Variants in MTX3 observed in about 807,000 individuals in gnomAD.
MTX3 encodes metaxin-3.
MTX3 carries 27 observed loss-of-function variants against 42.5 expected under a neutral mutation model. That is an observed-to-expected ratio of 0.64 (90% CI 0.47 to 0.88). MTX3 has a LOEUF of 0.88. Ranked by LOEUF, MTX3 falls within the 40% of genes least tolerant of loss-of-function variation. MTX3 has a pLI of 0.00. For missense variants in MTX3, 378 were observed against 367.0 expected (o/e 1.03, Z -0.25); for synonymous variants, 144 against 132.9 (o/e 1.08, Z -0.57).
At position 79,989,244 on chromosome 5, in the gene MTX3, T is replaced by C. The variant is rs201488320; in HGVS notation, c.229A>G (p.Lys77Glu). The change falls in exon 4 of 9, where the codon AAA becomes GAA. Residue 77 changes from lysine to glutamate, a missense_variant and splice_region_variant. Lys to Glu is a moderately conservative substitution (Grantham distance 56). Transcript: ENST00000512528. ...GAGAGTTCATAATCAGCATTATATT[T>C]CTATTAAAAAAAAATAAACCAAAGA... ...AKILNFLRKQ[K>E]YNADYELSAK... 8.3e-6 allele frequency: 13 copies of C among 1,569,978 alleles called. No homozygotes were observed. Among genetic ancestry groups the C allele is most frequent in the Non-Finnish European group, 9.5e-6 (11 of 1,154,746 alleles).
chr5:79,983,690 C>T lies in MTX3; in HGVS notation c.933G>A (p.Ser311=), dbSNP rs761485655. The change falls in exon 9 of 9, where the codon TCG becomes TCA. Residue 311 remains serine (S), a synonymous_variant. Transcript: ENST00000512528. ...EEENNSFQRL[S]P is the part of the protein sequence containing the mutation. ...CCACAAACCATGACTACTCTCAGGG[C>T]GAAAGCCGTTGGAAGGAATTATTTT... The T allele has an allele frequency of 3.7e-6, 6 of 1,612,030 alleles. No individual in the cohort carries two copies. Among genetic ancestry groups the T allele is most frequent in the Admixed American group, 1.7e-5 (1 of 59,988 alleles).
rs1270651981 is a variant in MTX3 at position 79,983,701 on chromosome 5, G to A, written c.922C>T (p.Gln308Ter). The change falls in exon 9 of 9, where the codon CAA (glutamine) becomes TAA (stop). Residue 308 changes from glutamine (Q) to a stop codon, truncating the protein, a stop_gained. Transcript: ENST00000512528. LOFTEE classifies it high-confidence loss of function. ...GACTACTCTCAGGGCGAAAGCCGTT[G>A]GAAGGAATTATTTTCTTCTTCTGCT... Reference protein sequence around the residue: ...TPAEEENNSFQRLSP With the variant: ...TPAEEENNSF The A allele has an allele frequency of 6.2e-7, 1 of 1,613,228 alleles. No individual in the cohort carries two copies. Among genetic ancestry groups the A allele is most frequent in the Non-Finnish European group, 8.5e-7 (1 of 1,179,202 alleles).
intron 7 of MTX3, 39 bp downstream of exon 7, chr5:79,986,911 A>G (rs1240951459): frequency 2.5e-6 from 4 of 1,599,400 alleles, no homozygotes; most frequent in Admixed American, 1.7e-5. Flanking sequence ...ACATAGGAGA[A>G]TATGCAAACA....
chr5:79,989,219 G>A lies in MTX3; in HGVS notation c.254C>T (p.Ser85Leu). Reference sequence around the variant, plus strand: ...CAATGTATCTGCCCCTTGTTTTGCTGAGAGTTCATAATCAGCATTATATTT... The same window carrying A: ...CAATGTATCTGCCCCTTGTTTTGCTAAGAGTTCATAATCAGCATTATATTT... ...KQKYNADYEL[S>L]AKQGADTLAY... The change falls in exon 4 of 9, where the codon TCA becomes TTA. Residue 85 changes from serine (S) to leucine (L), a missense_variant. Physicochemically the swap from Ser to Leu is moderately radical, Grantham distance 145. Coordinates refer to ENST00000512528, the MANE Select transcript of MTX3 (RefSeq NM_001363818.2). 1 of 1,604,714 alleles carries A rather than the reference G, an allele frequency of 6.2e-7. No individual in the cohort carries two copies. The highest frequency in any genetic ancestry group is 8.5e-7 in the Non-Finnish European group (1 of 1,175,168).
chr5:79,979,697 A>G lies in MTX3; in HGVS notation c.*3987T>C, dbSNP rs1196216861. On this transcript the variant is annotated 3_prime_UTR_variant, in exon 9 of 9. Transcript: ENST00000512528. Reference sequence around the variant, plus strand: ...CACTACCATAGAAAGAAAAAAATATAATTAGATATTTTAAATCACAGCATT... The same window carrying G: ...CACTACCATAGAAAGAAAAAAATATGATTAGATATTTTAAATCACAGCATT... 3.9e-5 allele frequency: 6 copies of G among 152,126 alleles called. No individual in the cohort carries two copies. Among genetic ancestry groups the G allele is most frequent in the Admixed American group, 3.9e-4 (6 of 15,288 alleles). The allele number at this position is 152,126 out of a possible 1,614,324, so 9.4% of individuals were successfully genotyped here.
At chr5:79,983,816 C>T (rs766195507) in intron 8 of MTX3, 22 bp from the exon 9 acceptor site, 25 of 1,525,742 alleles carry the variant, frequency 1.6e-5, no homozygotes, top group Admixed American at 6.7e-5. Context: ...ACAAAAGATA[C>T]ATCTGACTAA....
Position 79,988,272 on chromosome 5 carries a change from C to A in MTX3, c.548G>T (p.Arg183Ile). 2 of 1,554,582 alleles carry A rather than the reference C, an allele frequency of 1.3e-6. No homozygotes were observed. The highest frequency in any genetic ancestry group is 1.7e-6 in the Non-Finnish European group (2 of 1,145,442). ...AKECLNLLSN[R>I]LGTSQFFFGD... ...AAAGAAAAACTGAGATGTTCCCAAT[C>A]TGTTTGATAGAAGATTTAGGCACTC... The change falls in exon 6 of 9, where the codon AGA becomes ATA. Residue 183 changes from arginine to isoleucine, a missense_variant. Transcript: ENST00000512528.
Position 79,983,674 on chromosome 5 carries a change from A to G in MTX3, c.*10T>C, listed in dbSNP as rs763397610. ...AATCGTTTGACTTTGGCCACAAACC[A>G]TGACTACTCTCAGGGCGAAAGCCGT... On this transcript the variant is annotated 3_prime_UTR_variant, in exon 9 of 9. Transcript: ENST00000512528. 57 of 1,596,788 alleles carry G rather than the reference A, an allele frequency of 3.6e-5. No individual in the cohort carries two copies. Among genetic ancestry groups the G allele is most frequent in the Admixed American group, 6.7e-5 (4 of 59,980 alleles).
At chr5:79,985,328 T>C (rs1831465628) in intron 8 of MTX3, among the ~76,000 whole-genome samples, 1 of 152,084 alleles carries the variant, frequency 6.6e-6, no homozygotes, top group African/African-American at 2.4e-5. Context: ...GCTTAAAGGG[T>C]ACTAACTGTG....
In MTX3 at chr5:79,987,975, G is replaced by C. The variant is rs2932937; in HGVS notation, c.581+264C>G. On this transcript the variant is annotated intron_variant, in intron 6 of 8. Coordinates refer to ENST00000512528, the MANE Select transcript of MTX3 (RefSeq NM_001363818.2). ...GGATTACAGGTGCCCACCACCACAC[G>C]CAGCTAATTTTTTGTATTTTTAGTA... Among the ~76,000 whole-genome samples, 136,775 of 152,124 alleles carry C rather than the reference G, an allele frequency of 0.9. 61,826 individuals carry two copies. The highest frequency in any genetic ancestry group is 1 in the East Asian group (5,162 of 5,170).
At position 79,983,528 on chromosome 5, in the gene MTX3, C is replaced by T; in HGVS notation, c.*156G>A. Reference sequence around the variant, plus strand: ...AGTGCCAAGCTAGAATACAAGCTTCCTAATAATAATAGTAAAAATAGATGG... The same window carrying T: ...AGTGCCAAGCTAGAATACAAGCTTCTTAATAATAATAGTAAAAATAGATGG... On this transcript the variant is annotated 3_prime_UTR_variant, in exon 9 of 9. Transcript: ENST00000512528. The T allele has an allele frequency of 3.3e-6, 2 of 614,110 alleles. No individual in the cohort carries two copies. The highest frequency in any genetic ancestry group is 2.9e-6 in the Non-Finnish European group (1 of 342,568). 38.0% of individuals were successfully genotyped at this position (614,110 alleles called of 1,614,324 possible).
chr5:79,986,753 A>G (rs1831499822), intron 7 of MTX3, 197 bp downstream of exon 7: 8 of 600,942 alleles, frequency 1.3e-5, no homozygotes, highest in Non-Finnish European at 2.4e-5. Context: ...TAAAAGGCAA[A>G]TATCTATTTA....
At chr5:79,987,690 G>T (rs1831529943) in intron 6 of MTX3, among the ~76,000 whole-genome samples, 1 of 152,148 alleles carries the variant, frequency 6.6e-6, no homozygotes, top group African/African-American at 2.4e-5. Context: ...ACAAATGTTA[G>T]ACTGGAGGCA....
chr5:79,985,013 G>C, intron 8 of MTX3, among the ~76,000 whole-genome samples: 1 of 151,978 alleles, frequency 6.6e-6, no homozygotes, highest in East Asian at 1.9e-4. Flanking sequence ...ATGGAGTCTC[G>C]CTCCGTTGCC....
chr5:79,991,043 TGCAGCGGCTCGGCCCTCCTGGACCCC>T, intron 1 of MTX3, 89 bp downstream of exon 1: 1 of 1,078,406 alleles, frequency 9.3e-7, no homozygotes, highest in African/African-American at 1.6e-5. Context: ...CAATGCAGCG[TGCAGCGGCTCGGCCCTCCTGGACCCC>T]GCAGCGCAGC....
At chr5:79,987,458 A>T (rs1036832794) in intron 6 of MTX3, among the ~76,000 whole-genome samples, 150 of 151,890 alleles carry the variant, frequency 9.9e-4, no homozygotes, top group Non-Finnish European at 1.2e-3. Context: ...AAAAAAAAAA[A>T]AAATTAAATT....
rs764361364 is a variant in MTX3 at position 79,990,253 on chromosome 5, G to A, written c.152-17C>T. On this transcript the variant is annotated splice_polypyrimidine_tract_variant and intron_variant, in intron 2 of 8. Coordinates refer to ENST00000512528, the MANE Select transcript of MTX3 (RefSeq NM_001363818.2). ...GTACATCGCCTATAATCAAAAAACAGTTTACATACAAGGACACAGTGTGAT... is the reference window on the plus strand; with the variant it reads ...GTACATCGCCTATAATCAAAAAACAATTTACATACAAGGACACAGTGTGAT... The A allele has an allele frequency of 6.4e-6, 10 of 1,565,160 alleles. No homozygotes were observed. Among genetic ancestry groups the A allele is most frequent in the African/African-American group, 1.4e-5 (1 of 73,836 alleles).
In MTX3 at chr5:79,988,227, G is replaced by T; in HGVS notation, c.581+12C>A. The T allele has an allele frequency of 4.1e-6, 6 of 1,456,168 alleles. No homozygotes were observed. Among genetic ancestry groups the T allele is most frequent in the African/African-American group, 1.4e-5 (1 of 71,112 alleles). 90.2% of individuals were successfully genotyped at this position (1,456,168 alleles called of 1,614,324 possible). ...CACAAAATACCAAAATGATTTTTAAGGGAATACTCACGTATCTCCAAAGAA... is the reference window on the plus strand; with the variant it reads ...CACAAAATACCAAAATGATTTTTAATGGAATACTCACGTATCTCCAAAGAA... On this transcript the variant is annotated intron_variant, in intron 6 of 8. Coordinates refer to ENST00000512528, the MANE Select transcript of MTX3 (RefSeq NM_001363818.2).
chr5:79,991,167 CAGGG>C lies in MTX3; in HGVS notation c.68_71del (p.Ser23TrpfsTer3), dbSNP rs1163163793. The C allele has an allele frequency of 6.5e-7, 1 of 1,537,140 alleles. No individual in the cohort carries two copies. The highest frequency in any genetic ancestry group is 2.5e-5 in the East Asian group (1 of 40,642). On this transcript the variant is annotated frameshift_variant, in exon 1 of 9. Transcript: ENST00000512528. LOFTEE classifies it high-confidence loss of function. ...CGCGAGGCGGCCTCACCATCACCAC[CAGGG>C]ACTCGCTGTGAACCGATGGGAGTCC...
Sources: gnomAD v4.1 joint callset for allele counts (sites outside exome capture counted in the v4.1 genomes callset) on GRCh38, gnomAD v4.1.1 for gene constraint, MANE v1.5 for transcripts, NCBI Gene and HGNC (gene_info 2026-07-23, HGNC 2026-07-21) for gene names.